PRKACB: variants seen among roughly 807,000 people sequenced by gnomAD.
PRKACB encodes cAMP-dependent protein kinase catalytic subunit beta.
A neutral mutation model predicts 51.4 loss-of-function variants in PRKACB; 16 were observed. The ratio of observed to expected loss-of-function variants is 0.31; its 90% confidence interval spans 0.21 to 0.47. PRKACB has a LOEUF of 0.47. Ranked by LOEUF, PRKACB falls within the 20% of genes least tolerant of loss-of-function variation. The probability of loss-of-function intolerance (pLI) is 1.00; values close to 1 mark genes in which losing one functional copy is unlikely to be tolerated. For missense variants in PRKACB, 309 were observed against 464.5 expected (o/e 0.67, Z 3.08); for synonymous variants, 147 against 154.4 (o/e 0.95, Z 0.35).
At chr1:84,119,221 A>G (rs888750571) in intron 1 of PRKACB, among the ~76,000 whole-genome samples, 3 of 152,174 alleles carry the variant, frequency 2.0e-5, no homozygotes, top group African/African-American at 4.8e-5. Flanking sequence ...CCTTATTTCC[A>G]TGACCATGCT....
At chr1:84,153,422 C>T (rs1442473473) in intron 1 of PRKACB, among the ~76,000 whole-genome samples, 1 of 144,522 alleles carries the variant, frequency 6.9e-6, no homozygotes, top group Non-Finnish European at 1.6e-5. Flanking sequence ...TAAAGCAACA[C>T]ACAATAAAAT....
intron 9 of PRKACB, among the ~76,000 whole-genome samples, chr1:84,226,837 T>A (rs1319267235): frequency 6.6e-6 from 1 of 152,188 alleles, no homozygotes; most frequent in Non-Finnish European, 1.5e-5. Flanking sequence ...TTTCTATAAT[T>A]TGTTGCCTTT....
At chr1:84,089,037 A>G (rs1648247110) in intron 1 of PRKACB, among the ~76,000 whole-genome samples, 2 of 152,198 alleles carry the variant, frequency 1.3e-5, no homozygotes, top group South Asian at 2.1e-4. Context: ...CTATAATTGT[A>G]GCACTTGTAC....
At chr1:84,086,539 C>T (rs374899481) in intron 1 of PRKACB, among the ~76,000 whole-genome samples, 36 of 152,366 alleles carry the variant, frequency 2.4e-4, no homozygotes, top group African/African-American at 7.0e-4. Context: ...TGGTCCTCAT[C>T]TCTGGTCCCT....
Position 84,236,421 on chromosome 1 carries a change from T to C in PRKACB, c.*1116T>C, listed in dbSNP as rs1676667262. The C allele has an allele frequency of 6.6e-6, 1 of 152,654 alleles. No individual in the cohort carries two copies. The highest frequency in any genetic ancestry group is 1.9e-4 in the East Asian group (1 of 5,202). 9.5% of individuals were successfully genotyped at this position (152,654 alleles called of 1,614,324 possible). ...TCCAGCTAATTATTGTGGTGTACTA[T>C]ATTTGTGAGCCTAGGGTAGGGGCAC... is the stretch of plus-strand genomic sequence containing the variant. On this transcript the variant is annotated 3_prime_UTR_variant, in exon 10 of 10. Transcript: ENST00000370685.
chr1:84,199,484 A>C (rs973766898), intron 7 of PRKACB, among the ~76,000 whole-genome samples: 10 of 152,230 alleles, frequency 6.6e-5, no homozygotes, highest in Admixed American at 6.5e-5. Flanking sequence ...ACATGATCTC[A>C]TTCCTTTTTA....
intron 2 of PRKACB, 23 bp downstream of exon 2, chr1:84,179,261 T>C: frequency 6.5e-7 from 1 of 1,535,336 alleles, no homozygotes; most frequent in Non-Finnish European, 8.7e-7. Flanking sequence ...TAGATTTTTC[T>C]AAAATTAAAA....
intron 1 of PRKACB, among the ~76,000 whole-genome samples, chr1:84,082,261 A>G (rs1009836864): frequency 2.6e-5 from 4 of 152,212 alleles, no homozygotes; most frequent in Non-Finnish European, 5.9e-5. Flanking sequence ...CTCTGTATCC[A>G]ATAGAATAGC....
intron 1 of PRKACB, among the ~76,000 whole-genome samples, chr1:84,169,389 A>C (rs1460346733): frequency 6.6e-6 from 1 of 151,672 alleles, no homozygotes; most frequent in Non-Finnish European, 1.5e-5. Context: ...AATGGAAAAG[A>C]AGCATAATGT....
chr1:84,207,133 G>T (rs1475368884), intron 8 of PRKACB, among the ~76,000 whole-genome samples: 1 of 152,102 alleles, frequency 6.6e-6, no homozygotes, highest in Non-Finnish European at 1.5e-5. Context: ...ACTTCACTGT[G>T]GCTATTTAAA....
intron 1 of PRKACB, among the ~76,000 whole-genome samples, chr1:84,089,300 G>A (rs1259138081): frequency 6.6e-6 from 1 of 152,120 alleles, no homozygotes; most frequent in African/African-American, 2.4e-5. Context: ...GTTGATTAAT[G>A]TGATAAGAGG....
intron 5 of PRKACB, among the ~76,000 whole-genome samples, chr1:84,195,634 TG>T (rs1248732573): frequency 6.6e-6 from 1 of 152,026 alleles, no homozygotes; most frequent in Admixed American, 6.6e-5. Context: ...AAGAACTAGC[TG>T]GGTGCGGTGG....
At position 84,237,880 on chromosome 1, in the gene PRKACB, G is replaced by A. The variant is rs1676793355; in HGVS notation, c.*2575G>A. ...GTATGATCTCAGCCTCAGTTCTCTTGTCTGTAAAATGGAAGAACTGGATTA... is the reference window on the plus strand; with the variant it reads ...GTATGATCTCAGCCTCAGTTCTCTTATCTGTAAAATGGAAGAACTGGATTA... On this transcript the variant is annotated 3_prime_UTR_variant, in exon 10 of 10. Coordinates refer to ENST00000370685, the MANE Select transcript of PRKACB (RefSeq NM_182948.4). 1 of 152,118 alleles carries A rather than the reference G, an allele frequency of 6.6e-6. No individual in the cohort carries two copies. The highest frequency in any genetic ancestry group is 2.4e-5 in the African/African-American group (1 of 41,440). The allele number at this position is 152,118 out of a possible 1,614,324, so 9.4% of individuals were successfully genotyped here.
chr1:84,081,322 G>C (rs76930954), intron 1 of PRKACB, among the ~76,000 whole-genome samples: 6,233 of 152,218 alleles, frequency 0.041, 145 homozygotes, highest in Middle Eastern at 0.085. Context: ...AGACCTAAAA[G>C]CTAGGTGAGA....
Position 84,133,585 on chromosome 1 carries a change from G to A in PRKACB, c.47-45592G>A, listed in dbSNP as rs143420150. Among the ~76,000 whole-genome samples, 32 of 152,292 alleles carry A rather than the reference G, an allele frequency of 2.1e-4. No individual in the cohort carries two copies. In the East Asian group the frequency reaches 5.2e-3, roughly 25 times the overall value. On this transcript the variant is annotated intron_variant, in intron 1 of 8. Coordinates refer to the PRKACB transcript ENST00000370688. ...AGTGCTGGTGCTGGAGCTAGTTGGCGGCTTTGGTCAGCTTCACTTGGCTTT... is the reference window on the plus strand; with the variant it reads ...AGTGCTGGTGCTGGAGCTAGTTGGCAGCTTTGGTCAGCTTCACTTGGCTTT...
chr1:84,083,981 T>G (rs981647815), intron 1 of PRKACB, among the ~76,000 whole-genome samples: 4 of 152,154 alleles, frequency 2.6e-5, no homozygotes, highest in Non-Finnish European at 5.9e-5. Context: ...CTGCTCAGGG[T>G]GCCCATATTC....
rs186118080 is a variant in PRKACB at position 84,108,947 on chromosome 1, A to G, written c.46+30576A>G. Reference sequence around the variant, plus strand: ...AAGGGTAACCATTCTCTCTACTTTGACAGGATTGATTACATTTGCCTCTTT... The same window carrying G: ...AAGGGTAACCATTCTCTCTACTTTGGCAGGATTGATTACATTTGCCTCTTT... On this transcript the variant is annotated intron_variant, in intron 1 of 8. Coordinates refer to the PRKACB transcript ENST00000370688. Among the ~76,000 whole-genome samples, 13 of 152,120 alleles carry G rather than the reference A, an allele frequency of 8.5e-5. No individual in the cohort carries two copies. In the East Asian group the frequency reaches 2.3e-3, roughly 27 times the overall value.
At position 84,182,419 on chromosome 1, in the gene PRKACB, G is replaced by C. The variant is rs1052475639; in HGVS notation, c.378+91G>C. 4 of 989,300 alleles carry C rather than the reference G, an allele frequency of 4.0e-6. No individual in the cohort carries two copies. In the African/African-American group the frequency reaches 6.8e-5, roughly 17 times the overall value. The allele number at this position is 989,300 out of a possible 1,614,324, so 61.3% of individuals were successfully genotyped here. A position where few individuals can be genotyped will look rare whatever the true frequency, so the allele number is the denominator to read the frequency against. The stretch of plus-strand genomic sequence containing the variant: ...AGATTCAGTATAATGACTTACCATT[G>C]ACAGCTTCAAATAATTTTATTATTA... On this transcript the variant is annotated intron_variant, in intron 3 of 9. Transcript: ENST00000370685.
In PRKACB at chr1:84,217,523, A is replaced by G. The variant is rs141170808; in HGVS notation, c.1071+3206A>G. Among the ~76,000 whole-genome samples the G allele has an allele frequency of 3.2e-3, 479 of 151,302 alleles. 21 individuals are homozygous for G. The East Asian group carries it at 0.082, about 26-fold the overall frequency. ...AATTGTTTTAAAACAGGCCAGGTGCAGTGGCTCACACCTGTAATCCCATCA... is the reference window on the plus strand; with the variant it reads ...AATTGTTTTAAAACAGGCCAGGTGCGGTGGCTCACACCTGTAATCCCATCA... On this transcript the variant is annotated intron_variant, in intron 9 of 9. Transcript: ENST00000370685.
Sources: allele counts gnomAD v4.1 joint callset (sites outside exome capture counted in the v4.1 genomes callset), GRCh38; gene constraint gnomAD v4.1.1; transcripts MANE v1.5; gene names NCBI Gene and HGNC (gene_info 2026-07-23, HGNC 2026-07-21).